Variants in CAMK4 observed in about 807,000 individuals in gnomAD.
CAMK4 encodes the protein calcium/calmodulin-dependent protein kinase type IV.
CAMK4 carries 22 observed loss-of-function variants against 44.9 expected under a neutral mutation model. The ratio of observed to expected loss-of-function variants is 0.49; its 90% CI spans 0.35 to 0.70. The LOEUF (loss-of-function observed/expected upper bound fraction) is 0.70. Among genes scored for constraint, CAMK4 ranks in the 30% least tolerant of loss-of-function variants. The pLI is 0.01. For synonymous variants in CAMK4, 218 were observed against 215.4 expected (o/e 1.01, Z -0.11); for missense variants, 498 against 586.8 (o/e 0.85, Z 1.56).
intron 5 of CAMK4, among the ~76,000 whole-genome samples, chr5:111,424,434 CTTTTTTTTTTTTTTT>C (rs34618322): frequency 4.0e-4 from 26 of 64,908 alleles, no homozygotes; most frequent in African/African-American, 1.5e-3. Flanking sequence ...ATCTTCTATT[CTTTTTTTTTTTTTTT>C]TTTTTTTTTT....
chr5:111,301,552 G>A (rs1747718990), intron 1 of CAMK4, among the ~76,000 whole-genome samples: 1 of 152,120 alleles, frequency 6.6e-6, no homozygotes, highest in Non-Finnish European at 1.5e-5. Flanking sequence ...TTTGAAGGGG[G>A]AATGGGAGAA....
At chr5:111,336,044 G>C (rs1389630056) in intron 1 of CAMK4, among the ~76,000 whole-genome samples, 2 of 151,284 alleles carry the variant, frequency 1.3e-5, no homozygotes, top group African/African-American at 4.8e-5. Flanking sequence ...TAATGTAAAA[G>C]AAAGTAGTAG....
intron 7 of CAMK4, among the ~76,000 whole-genome samples, chr5:111,460,623 T>C (rs1036985318): frequency 6.6e-6 from 1 of 152,202 alleles, no homozygotes; most frequent in Admixed American, 6.5e-5. Flanking sequence ...GTAATTTTAA[T>C]ATTAGGATGA....
At chr5:111,373,156 A>G (rs3797755) in intron 2 of CAMK4, among the ~76,000 whole-genome samples, 9,610 of 152,262 alleles carry the variant, frequency 0.063, 481 homozygotes, top group East Asian at 0.24. Context: ...ATATATTAAA[A>G]CATCCCATGC....
intron 1 of CAMK4, among the ~76,000 whole-genome samples, chr5:111,243,326 C>T (rs1749089986): frequency 6.6e-6 from 1 of 152,116 alleles, no homozygotes; most frequent in Admixed American, 6.6e-5. Flanking sequence ...TCAGGCATCA[C>T]CTGGGGAAGA....
chr5:111,394,754 C>G lies in CAMK4; in HGVS notation c.431C>G (p.Ala144Gly). The change falls in exon 5 of 11, where the codon GCC becomes GGC. Residue 144 changes from alanine (A) to glycine (G), a missense_variant. Ala to Gly is a moderately conservative substitution (Grantham distance 60). This residue lies in a region of CAMK4 where 203 missense variants were observed against 298.2 expected (regional missense o/e 0.68). Transcript: ENST00000282356. The part of the protein sequence containing the change: ...GYYSERDAAD[A>G]VKQILEAVAY... ...TACAGTGAGCGAGATGCTGCAGATG[C>G]CGTTAAACAAATCCTGGAGGCAGTT... 6.2e-7 allele frequency: 1 copy of G among 1,612,552 alleles called. No homozygotes were observed. The highest frequency in any genetic ancestry group is 8.5e-7 in the Non-Finnish European group (1 of 1,178,858).
intron 1 of CAMK4, among the ~76,000 whole-genome samples, chr5:111,313,668 TCAATA>T (rs1748303032): frequency 6.6e-6 from 1 of 152,138 alleles, no homozygotes; most frequent in African/African-American, 2.4e-5. Flanking sequence ...TTCAAAGTGA[TCAATA>T]CAGTGCTTAG....
At chr5:111,391,619 A>G (rs1316026395) in intron 4 of CAMK4, among the ~76,000 whole-genome samples, 1 of 152,166 alleles carries the variant, frequency 6.6e-6, no homozygotes, top group African/African-American at 2.4e-5. Context: ...AAAAATTCTT[A>G]CATATCTATA....
At chr5:111,252,716 T>A (rs1749560462) in intron 1 of CAMK4, among the ~76,000 whole-genome samples, 1 of 152,192 alleles carries the variant, frequency 6.6e-6, no homozygotes, top group South Asian at 2.1e-4. Flanking sequence ...AAACTTTGAC[T>A]CTATTATTTG....
chr5:111,470,152 C>G (rs1755012907), intron 7 of CAMK4, among the ~76,000 whole-genome samples: 1 of 152,186 alleles, frequency 6.6e-6, no homozygotes, highest in East Asian at 1.9e-4. Context: ...AATCTGAGTT[C>G]CCCTTTACAA....
intron 4 of CAMK4, among the ~76,000 whole-genome samples, chr5:111,383,009 T>C (rs1454996415): frequency 6.6e-6 from 1 of 152,218 alleles, no homozygotes; most frequent in Non-Finnish European, 1.5e-5. Context: ...ACTAGACTTA[T>C]AGTTTACTTT....
rs1050530356 is a variant in CAMK4, at chr5:111,466,761, C to G, written c.626-6550C>G. On this transcript the variant is annotated intron_variant, in intron 7 of 10. Transcript: ENST00000282356. ...GTAGAATCAATATTGTGAAAATGAC[C>G]ACATTGTCAAAGCAATCTACAAATT... 2.6e-5 allele frequency among the ~76,000 whole-genome samples: 4 copies of G among 152,052 alleles called. 1 individual carries two copies. Among genetic ancestry groups the G allele is most frequent in the South Asian group, 4.1e-4 (2 of 4,820 alleles).
intron 7 of CAMK4, among the ~76,000 whole-genome samples, chr5:111,461,343 G>A (rs1754635869): frequency 1.3e-5 from 2 of 152,158 alleles, no homozygotes; most frequent in African/African-American, 4.8e-5. Context: ...GAAGTCTCAG[G>A]TGTGATTCAG....
chr5:111,298,846 A>G (rs1432991992), intron 1 of CAMK4, among the ~76,000 whole-genome samples: 1 of 152,358 alleles, frequency 6.6e-6, no homozygotes, highest in Middle Eastern at 3.4e-3. Context: ...TAGGAACACA[A>G]TGTTGTACCT....
At chr5:111,340,591 A>C (rs1329821157) in intron 1 of CAMK4, among the ~76,000 whole-genome samples, 1 of 151,458 alleles carries the variant, frequency 6.6e-6, no homozygotes, top group Non-Finnish European at 1.5e-5. Context: ...GAGCCTTTCA[A>C]TGTGCTGCTG....
intron 5 of CAMK4, among the ~76,000 whole-genome samples, chr5:111,400,327 C>G (rs989306804): frequency 2.0e-5 from 3 of 152,154 alleles, no homozygotes; most frequent in Non-Finnish European, 2.9e-5. Context: ...AAATGGCTGG[C>G]ATTTATGAAA....
chr5:111,350,874 C>T (rs1750077076), intron 2 of CAMK4, among the ~76,000 whole-genome samples: 1 of 152,010 alleles, frequency 6.6e-6, no homozygotes, highest in South Asian at 2.1e-4. Flanking sequence ...TCCTTACATT[C>T]TTATGAGTTA....
chr5:111,228,841 A>C (rs1748327473), intron 1 of CAMK4, among the ~76,000 whole-genome samples: 1 of 152,154 alleles, frequency 6.6e-6, no homozygotes, highest in Non-Finnish European at 1.5e-5. Flanking sequence ...GTAGAGAAAA[A>C]GGCTCCTATC....
At chr5:111,375,292 T>C (rs2112823983) in intron 3 of CAMK4, among the ~76,000 whole-genome samples, 1 of 152,258 alleles carries the variant, frequency 6.6e-6, no homozygotes, top group East Asian at 1.9e-4. Flanking sequence ...TCCCAAGTAA[T>C]TTCAGTCTGC....
Sources: allele counts gnomAD v4.1 joint callset (sites outside exome capture counted in the v4.1 genomes callset), GRCh38; gene constraint gnomAD v4.1.1; regional missense constraint gnomAD v4.1.1; transcripts MANE v1.5; gene names NCBI Gene and HGNC (gene_info 2026-07-23, HGNC 2026-07-21).